The following EXO5 variants were observed in gnomAD, a reference collection of about 807,000 sequenced individuals.
The protein encoded by EXO5 is exonuclease V.
A neutral mutation model predicts 17.8 loss-of-function variants in EXO5; 11 were observed. The ratio of observed to expected loss-of-function variants is 0.62; its 90% confidence interval spans 0.39 to 1.02. EXO5 has a LOEUF of 1.02. Among genes scored for constraint, EXO5 ranks in the 50% least tolerant of loss-of-function variants. EXO5 has a pLI of 0.00. For synonymous variants in EXO5, 147 were observed against 166.5 expected (o/e 0.88, Z 0.90); for missense variants, 364 against 434.8 (o/e 0.84, Z 1.45).
intron 2 of EXO5, 31 bp from the exon 3 acceptor site, chr1:40,509,702 T>G (rs1207740090): frequency 6.6e-6 from 1 of 152,220 alleles, no homozygotes; most frequent in Non-Finnish European, 1.5e-5. Flanking sequence ...AATGCAGACC[T>G]GGTCTTTCAG....
intron 3 of EXO5, among the ~76,000 whole-genome samples, chr1:40,512,995 A>G (rs1273138001): frequency 6.6e-6 from 1 of 152,232 alleles, no homozygotes; most frequent in African/African-American, 2.4e-5. Flanking sequence ...GTAGTGAGAT[A>G]TTGGATGTAA....
At position 40,515,278 on chromosome 1, in the gene EXO5, G is replaced by A. The variant is rs1461862975; in HGVS notation, c.734G>A (p.Cys245Tyr). Residue 245 changes from cysteine to tyrosine, a missense_variant, in exon 4 of 4, where the codon TGT (cysteine) becomes TAT (tyrosine). Transcript: ENST00000415550. ...AGCCTAATCCACCACACAAAGTTGT[G>A]TCTAGAAAAGCCACTGGGGCCATCA... is the stretch of plus-strand genomic sequence containing the variant. ...PASLIHHTKL[C>Y]LEKPLGPSVL... 5.6e-6 allele frequency: 9 copies of A among 1,614,006 alleles called. No individual in the cohort carries two copies. In the African/African-American group the frequency reaches 8.0e-5, roughly 14 times the overall value.
chr1:40,513,771 T>G (rs1217255040), intron 3 of EXO5, among the ~76,000 whole-genome samples: 1 of 151,640 alleles, frequency 6.6e-6, no homozygotes, highest in Non-Finnish European at 1.5e-5. Context: ...GTATTTTTAG[T>G]AGAGATGGGG....
chr1:40,514,271 C>G (rs929516964), intron 3 of EXO5, among the ~76,000 whole-genome samples: 2 of 149,132 alleles, frequency 1.3e-5, no homozygotes, highest in Non-Finnish European at 3.0e-5. Flanking sequence ...AAGAGCGAGA[C>G]TCCGTCTCAA....
At chr1:40,509,996 A>C (rs1645742675) in intron 3 of EXO5, among the ~76,000 whole-genome samples, 1 of 152,204 alleles carries the variant, frequency 6.6e-6, no homozygotes, top group South Asian at 2.1e-4. Flanking sequence ...GGAAAACTAG[A>C]ACCTTGTCCA....
Position 40,515,020 on chromosome 1 carries a change from C to T in EXO5, c.476C>T (p.Ser159Leu). The T allele has an allele frequency of 6.2e-7, 1 of 1,614,098 alleles. No individual in the cohort carries two copies. The highest frequency in any genetic ancestry group is 8.5e-7 in the Non-Finnish European group (1 of 1,180,028). Residue 159 changes from serine (S) to leucine (L), a missense_variant, in exon 4 of 4, where the codon TCA (serine) becomes TTA (leucine). By Grantham distance (145) the Ser-to-Leu change is moderately radical. Coordinates refer to ENST00000415550, the MANE Select transcript of EXO5 (RefSeq NM_001346953.2). ...CTTTTGCTGATTCCTACCCTGCAGTCAGAAGGGCACATCAGAGAGTTTCCA... is the reference window on the plus strand; with the variant it reads ...CTTTTGCTGATTCCTACCCTGCAGTTAGAAGGGCACATCAGAGAGTTTCCA... Reference protein sequence around the residue: ...NILLLIPTLQSEGHIREFPVF... With the variant: ...NILLLIPTLQLEGHIREFPVF...
intron 3 of EXO5, among the ~76,000 whole-genome samples, chr1:40,512,156 C>T (rs867911032): frequency 6.6e-6 from 1 of 152,298 alleles, no homozygotes; most frequent in African/African-American, 2.4e-5. Context: ...GGATTACAGG[C>T]GTGAACCACT....
chr1:40,515,738 C>G lies in EXO5; in HGVS notation c.*72C>G, dbSNP rs992546834. On this transcript the variant is annotated 3_prime_UTR_variant, in exon 4 of 4. Coordinates refer to ENST00000415550, the MANE Select transcript of EXO5 (RefSeq NM_001346953.2). ...TACCTAAGCAAAAGAGGACCAGTCT[C>G]TGAGCTTGGCTTTTATGGAGAGTGT... 3.4e-6 allele frequency: 5 copies of G among 1,487,586 alleles called. No homozygotes were observed. Among genetic ancestry groups the G allele is most frequent in the Non-Finnish European group, 4.5e-6 (5 of 1,105,036 alleles). The allele number at this position is 1,487,586 out of a possible 1,614,324, so 92.1% of individuals were successfully genotyped here. A position where few individuals can be genotyped will look rare whatever the true frequency, so the allele number is the denominator to read the frequency against.
Position 40,514,685 on chromosome 1 carries a change from T to G in EXO5, c.141T>G (p.Ser47=). 2 of 1,614,210 alleles carry G rather than the reference T, an allele frequency of 1.2e-6. No homozygotes were observed. The highest frequency in any genetic ancestry group is 1.7e-6 in the Non-Finnish European group (2 of 1,180,036). The stretch of plus-strand genomic sequence containing the variant: ...CTTTAGTTAACATGCCTGGCCCATC[T>G]TCTGAATCCCTTGGGAAGGATGACA... The part of the protein sequence containing the change: ...SKALVNMPGP[S]SESLGKDDKP... The change falls in exon 4 of 4, where the codon TCT becomes TCG. Residue 47 remains serine, a synonymous_variant. Coordinates refer to ENST00000415550, the MANE Select transcript of EXO5 (RefSeq NM_001346953.2).
chr1:40,514,876 C>A lies in EXO5; in HGVS notation c.332C>A (p.Ala111Glu). 6.2e-7 allele frequency: 1 copy of A among 1,614,130 alleles called. No homozygotes were observed. The highest frequency in any genetic ancestry group is 8.5e-7 in the Non-Finnish European group (1 of 1,179,980). Reference sequence around the variant, plus strand: ...CCTGGTTTCTTGGCACCTGAGAAGGCAGCTGTGTTGGACACTGGTGCCAGC... The same window carrying A: ...CCTGGTTTCTTGGCACCTGAGAAGGAAGCTGTGTTGGACACTGGTGCCAGC... ...ELPGFLAPEKAAVLDTGASIH... is the reference protein window; with the variant it reads ...ELPGFLAPEKEAVLDTGASIH... Residue 111 changes from alanine to glutamate, a missense_variant, in exon 4 of 4, where the codon GCA becomes GAA. By Grantham distance (107) the Ala-to-Glu change is moderately radical (BLOSUM62 -1). Coordinates refer to ENST00000415550, the MANE Select transcript of EXO5 (RefSeq NM_001346953.2).
At position 40,515,820 on chromosome 1, in the gene EXO5, C is replaced by T. The variant is rs1645882347; in HGVS notation, c.*154C>T. 9.2e-6 allele frequency: 7 copies of T among 758,446 alleles called. No homozygotes were observed. Among genetic ancestry groups the T allele is most frequent in the Middle Eastern group, 3.9e-4 (1 of 2,564 alleles). The allele number at this position is 758,446 out of a possible 1,614,324, so 47.0% of individuals were successfully genotyped here. A position where few individuals can be genotyped will look rare whatever the true frequency, so the allele number is the denominator to read the frequency against. Reference sequence around the variant, plus strand: ...ACCTCTAACCACATTCAGTCCAGGACCAAGGCTCAGGGATGAGTGGGAGAG... The same window carrying T: ...ACCTCTAACCACATTCAGTCCAGGATCAAGGCTCAGGGATGAGTGGGAGAG... On this transcript the variant is annotated 3_prime_UTR_variant, in exon 4 of 4. Transcript: ENST00000415550.
chr1:40,512,039 C>T (rs985948707), intron 3 of EXO5, among the ~76,000 whole-genome samples: 9 of 152,056 alleles, frequency 5.9e-5, no homozygotes, highest in African/African-American at 1.7e-4. Flanking sequence ...CCACCAAGCC[C>T]GGCTAATTTT....
Position 40,514,995 on chromosome 1 carries a change from CT to C in EXO5, c.455del (p.Leu152CysfsTer2). 1 of 1,614,128 alleles carries C rather than the reference CT, an allele frequency of 6.2e-7. No homozygotes were observed. The highest frequency in any genetic ancestry group is 8.5e-7 in the Non-Finnish European group (1 of 1,180,010). ...DAWAIKFLNI[L>X]LLIPTLQSEG... ...TTGGGCAATTAAGTTTCTGAACATA[CT>C]TTTGCTGATTCCTACCCTGCAGTCA... On this transcript the variant is annotated frameshift_variant, in exon 4 of 4. Transcript: ENST00000415550. LOFTEE classifies it high-confidence loss of function.
intron 3 of EXO5, among the ~76,000 whole-genome samples, chr1:40,510,135 A>C (rs1645745344): frequency 6.6e-6 from 1 of 151,968 alleles, no homozygotes; most frequent in African/African-American, 2.4e-5. Context: ...CCATTCACTT[A>C]CTACCTAACA....
At chr1:40,509,339 G>A (rs556962249) in intron 1 of EXO5, 112 bp from the exon 2 acceptor site, 2 of 152,382 alleles carry the variant, frequency 1.3e-5, no homozygotes, top group African/African-American at 4.8e-5. Context: ...AGAAAGAGCC[G>A]CTGTCATAAG....
At position 40,515,134 on chromosome 1, in the gene EXO5, T is replaced by C; in HGVS notation, c.590T>C (p.Leu197Pro). ...TAKGELELAE[L>P]KTRRRPMLPL... is the part of the protein sequence containing the mutation. ...AAGGGGGAACTGGAGCTGGCGGAAC[T>C]CAAGACACGCAGGCGCCCTATGCTC... Residue 197 changes from leucine to proline, a missense_variant, in exon 4 of 4, where the codon CTC becomes CCC. Leu to Pro is a moderately conservative substitution (Grantham distance 98). Transcript: ENST00000415550. 1 of 1,614,048 alleles carries C rather than the reference T, an allele frequency of 6.2e-7. No individual in the cohort carries two copies. The highest frequency in any genetic ancestry group is 8.5e-7 in the Non-Finnish European group (1 of 1,180,012).
chr1:40,511,107 T>C (rs1023733928), intron 3 of EXO5, among the ~76,000 whole-genome samples: 1 of 151,976 alleles, frequency 6.6e-6, no homozygotes, highest in Non-Finnish European at 1.5e-5. Flanking sequence ...CGGTGGCGGG[T>C]GCCTGTAGTC....
chr1:40,515,919 G>T lies in EXO5; in HGVS notation c.*253G>T. On this transcript the variant is annotated 3_prime_UTR_variant, in exon 4 of 4. Coordinates refer to ENST00000415550, the MANE Select transcript of EXO5 (RefSeq NM_001346953.2). Reference sequence around the variant, plus strand: ...GATGCTCATCATGGCTGGAATGAAGGTATCCTTCAGTAAACTTTGCTTTCC... The same window carrying T: ...GATGCTCATCATGGCTGGAATGAAGTTATCCTTCAGTAAACTTTGCTTTCC... 2.6e-6 allele frequency: 1 copy of T among 384,176 alleles called. No homozygotes were observed. Among genetic ancestry groups the T allele is most frequent in the African/African-American group, 2.1e-5 (1 of 48,042 alleles). 23.8% of individuals were successfully genotyped at this position (384,176 alleles called of 1,614,324 possible). A position where few individuals can be genotyped will look rare whatever the true frequency, so the allele number is the denominator to read the frequency against.
At chr1:40,512,915 C>G (rs1193506580) in intron 3 of EXO5, among the ~76,000 whole-genome samples, 1 of 152,134 alleles carries the variant, frequency 6.6e-6, no homozygotes, top group Non-Finnish European at 1.5e-5. Flanking sequence ...TGTACCCGGC[C>G]TTGAAAATCT....
Sources: allele counts gnomAD v4.1 joint callset (sites outside exome capture counted in the v4.1 genomes callset), GRCh38; gene constraint gnomAD v4.1.1; transcripts MANE v1.5; gene names NCBI Gene and HGNC (gene_info 2026-07-23, HGNC 2026-07-21).